The following GTPBP10 variants were observed in gnomAD, a reference collection of about 807,000 sequenced individuals.
The protein encoded by GTPBP10 is GTP binding protein 10, also known as GTP-binding protein 10.
In GTPBP10, 38 loss-of-function variants were observed where a neutral mutation model predicts 44.8. The observed-to-expected ratio is 0.85, with a 90% CI of 0.65 to 1.11. The LOEUF (loss-of-function observed/expected upper bound fraction) is 1.11. GTPBP10 is among the 50% of genes most tolerant of loss of function. GTPBP10 has a pLI of 0.00. For missense variants in GTPBP10, 462 were observed against 453.7 expected, an observed-to-expected ratio of 1.02 and a Z score of -0.17; for synonymous variants, 152 against 150.6, an observed-to-expected ratio of 1.01 and a Z score of -0.07.
chr7:90,357,292 A>G (rs906463648), intron 4 of GTPBP10, among the ~76,000 whole-genome samples: 4 of 152,300 alleles, frequency 2.6e-5, no homozygotes, highest in Admixed American at 1.3e-4. Context: ...TTATGTGCTC[A>G]ATCATTATGA....
At position 90,355,204 on chromosome 7, in the gene GTPBP10, A is replaced by G; in HGVS notation, c.438A>G (p.Lys146=). 6.3e-7 allele frequency: 1 copy of G among 1,598,310 alleles called. No individual in the cohort carries two copies. Among genetic ancestry groups the G allele is most frequent in the Non-Finnish European group, 8.5e-7 (1 of 1,171,730 alleles). The change falls in exon 4 of 10, where the codon AAA becomes AAG. Residue 146 remains lysine, a synonymous_variant. Transcript: ENST00000222511. ...GQKRIIHLDL[K]LIADVGLVGF... Reference sequence around the variant, plus strand: ...AACGAATAATTCACCTTGATCTAAAACTTATAGCTGATGTAGGCCTAGTAG... The same window carrying G: ...AACGAATAATTCACCTTGATCTAAAGCTTATAGCTGATGTAGGCCTAGTAG...
chr7:90,359,863 T>C (rs1206294798), intron 4 of GTPBP10, among the ~76,000 whole-genome samples: 1 of 152,256 alleles, frequency 6.6e-6, no homozygotes, highest in Admixed American at 6.5e-5. Flanking sequence ...TATCTCCTTG[T>C]GGTTTTGATT....
At chr7:90,361,580 T>C (rs1372797597) in intron 4 of GTPBP10, among the ~76,000 whole-genome samples, 2 of 152,224 alleles carry the variant, frequency 1.3e-5, no homozygotes, top group Non-Finnish European at 2.9e-5. Flanking sequence ...TCAGGGATAT[T>C]GGTCTAAAAT....
Position 90,390,098 on chromosome 7 carries a change from C to CT in GTPBP10, c.*4950dup, listed in dbSNP as rs1416475022. 1 of 152,128 alleles carries CT rather than the reference C, an allele frequency of 6.6e-6. No homozygotes were observed. Among genetic ancestry groups the CT allele is most frequent in the African/African-American group, 2.4e-5 (1 of 41,402 alleles). The allele number at this position is 152,128 out of a possible 1,614,324, so 9.4% of individuals were successfully genotyped here. A position where few individuals can be genotyped will look rare whatever the true frequency, so the allele number is the denominator to read the frequency against. On this transcript the variant is annotated 3_prime_UTR_variant, in exon 10 of 10. Transcript: ENST00000222511. The stretch of plus-strand genomic sequence containing the variant: ...GAGCCATTTATGCCCAGCCAGTTTT[C>CT]TTTTTTCTAATTGAAGCTTGGCAAG...
intron 4 of GTPBP10, among the ~76,000 whole-genome samples, chr7:90,361,475 G>C (rs1041250730): frequency 6.6e-6 from 1 of 152,192 alleles, no homozygotes; most frequent in Non-Finnish European, 1.5e-5. Flanking sequence ...GCATCCCAGG[G>C]ATGAAGCCCA....
At chr7:90,355,276 T>C in intron 4 of GTPBP10, 46 bp downstream of exon 4, 2 of 1,201,526 alleles carry the variant, frequency 1.7e-6, no homozygotes, top group Non-Finnish European at 2.3e-6. Context: ...AGAGAGAGAG[T>C]TCTTGAATAG....
intron 4 of GTPBP10, among the ~76,000 whole-genome samples, chr7:90,364,269 A>T (rs985541325): frequency 3.3e-5 from 5 of 151,988 alleles, no homozygotes; most frequent in Non-Finnish European, 7.4e-5. Flanking sequence ...TTGTGGTTTT[A>T]TCTACCTTTG....
chr7:90,364,549 G>A (rs1009217262), intron 4 of GTPBP10, among the ~76,000 whole-genome samples: 1 of 152,218 alleles, frequency 6.6e-6, no homozygotes, highest in Non-Finnish European at 1.5e-5. Flanking sequence ...CTTACTGGGG[G>A]TTGCCTCCCA....
chr7:90,372,220 A>G lies in GTPBP10; in HGVS notation c.530A>G (p.Asp177Gly). Residue 177 changes from aspartate to glycine, a missense_variant, in exon 5 of 10, where the codon GAT becomes GGT. Physicochemically the swap from Asp to Gly is moderately conservative, Grantham distance 94. Transcript: ENST00000222511. ...CVSHAKPAIA[D>G]YAFTTLKPEL... ...TCTCATGCAAAACCTGCAATTGCAG[A>G]TTACGCATGTAAGTGTAATTTGATT... is the stretch of plus-strand genomic sequence containing the variant. 4 of 1,594,726 alleles carry G rather than the reference A, an allele frequency of 2.5e-6. No individual in the cohort carries two copies. Among genetic ancestry groups the G allele is most frequent in the Non-Finnish European group, 3.4e-6 (4 of 1,165,680 alleles).
In GTPBP10 at chr7:90,387,777, T is replaced by C. The variant is rs929639218; in HGVS notation, c.*2623T>C. 2.0e-5 allele frequency: 3 copies of C among 152,218 alleles called. No individual in the cohort carries two copies. The highest frequency in any genetic ancestry group is 4.4e-5 in the Non-Finnish European group (3 of 68,038). The allele number at this position is 152,218 out of a possible 1,614,324, so 9.4% of individuals were successfully genotyped here. ...CTGCAGGGGATTGGAATAGCCTCTTTACAAGAAAAGAATAAGAGTGAGGAA... is the reference window on the plus strand; with the variant it reads ...CTGCAGGGGATTGGAATAGCCTCTTCACAAGAAAAGAATAAGAGTGAGGAA... On this transcript the variant is annotated 3_prime_UTR_variant, in exon 10 of 10. Transcript: ENST00000222511.
At chr7:90,365,231 G>C (rs1342087408) in intron 4 of GTPBP10, among the ~76,000 whole-genome samples, 1 of 152,282 alleles carries the variant, frequency 6.6e-6, no homozygotes, top group East Asian at 1.9e-4. Context: ...CGCACTGGGA[G>C]CTGTAGACTG....
intron 4 of GTPBP10, among the ~76,000 whole-genome samples, chr7:90,356,869 G>A (rs1795911670): frequency 6.6e-6 from 1 of 152,104 alleles, no homozygotes; most frequent in African/African-American, 2.4e-5. Flanking sequence ...TGCATATAAT[G>A]AAATACTAGG....
chr7:90,352,883 G>A lies in GTPBP10; in HGVS notation c.101G>A (p.Arg34His), dbSNP rs776759144. ...RGGSGGMGYPRLGGEGGKGGD... is the reference protein window; with the variant it reads ...RGGSGGMGYPHLGGEGGKGGD... ...GGATCCGGTGGAATGGGTTATCCTC[G>A]TTTAGGTGGAGAAGGTGGAAAAGGT... The change falls in exon 2 of 10, where the codon CGT (arginine) becomes CAT (histidine). Residue 34 changes from arginine to histidine, a missense_variant. Coordinates refer to ENST00000222511, the MANE Select transcript of GTPBP10 (RefSeq NM_033107.4). 8.7e-6 allele frequency: 14 copies of A among 1,613,796 alleles called. No homozygotes were observed. The East Asian group carries it at 1.1e-4, about 13-fold the overall frequency.
At chr7:90,358,295 A>G (rs950352073) in intron 4 of GTPBP10, among the ~76,000 whole-genome samples, 3 of 152,178 alleles carry the variant, frequency 2.0e-5, no homozygotes, top group African/African-American at 7.2e-5. Flanking sequence ...ACACAAACAA[A>G]TGGAAATACA....
At chr7:90,378,076 A>G in intron 7 of GTPBP10, 58 bp from the exon 8 acceptor site, 1 of 1,528,286 alleles carries the variant, frequency 6.5e-7, no homozygotes, top group South Asian at 1.2e-5. Flanking sequence ...TAAAACATAG[A>G]AATGTATAGC....
In GTPBP10 at chr7:90,391,405, A is replaced by G. The variant is rs551679087; in HGVS notation, c.*6251A>G. Reference sequence around the variant, plus strand: ...TTAGGCACAGTAAGAGATTAAAAATATTAAATTGGGCCAATTAATATATTG... The same window carrying G: ...TTAGGCACAGTAAGAGATTAAAAATGTTAAATTGGGCCAATTAATATATTG... On this transcript the variant is annotated 3_prime_UTR_variant, in exon 10 of 10. Transcript: ENST00000222511. 6.6e-6 allele frequency: 1 copy of G among 152,328 alleles called. No individual in the cohort carries two copies. The highest frequency in any genetic ancestry group is 6.5e-5 in the Admixed American group (1 of 15,300). The allele number at this position is 152,328 out of a possible 1,614,324, so 9.4% of individuals were successfully genotyped here.
Position 90,366,459 on chromosome 7 carries a change from G to T in GTPBP10, c.465-5696G>T, listed in dbSNP as rs780035339. Among the ~76,000 whole-genome samples the T allele has an allele frequency of 1.1e-4, 16 of 152,236 alleles. No individual in the cohort carries two copies. In the Middle Eastern group the frequency reaches 0.01, roughly 97 times the overall value. ...AATTATTGCCTCATTTTCAGGACCT[G>T]TTACTGGTCTATTCAGAGATTCAAA... is the stretch of plus-strand genomic sequence containing the variant. On this transcript the variant is annotated intron_variant, in intron 4 of 9. Transcript: ENST00000222511.
intron 4 of GTPBP10, among the ~76,000 whole-genome samples, chr7:90,359,717 G>A (rs112486623): frequency 0.016 from 2,378 of 152,186 alleles, 58 homozygotes; most frequent in African/African-American, 0.052. Context: ...GAATCGCCAC[G>A]CTGTCTTCCA....
intron 4 of GTPBP10, among the ~76,000 whole-genome samples, chr7:90,362,118 G>C (rs768713078): frequency 6.6e-6 from 1 of 150,888 alleles, no homozygotes; most frequent in Non-Finnish European, 1.5e-5. Flanking sequence ...AGGGTTTTTT[G>C]TGTCTCTATT....
Sources: gnomAD v4.1 joint callset for allele counts (sites outside exome capture counted in the v4.1 genomes callset) on GRCh38, gnomAD v4.1.1 for gene constraint, MANE v1.5 for transcripts, NCBI Gene and HGNC (gene_info 2026-07-23, HGNC 2026-07-21) for gene names.